Variants in IL21R observed in about 807,000 individuals in gnomAD.
IL21R encodes the protein interleukin 21 receptor.
IL21R carries 14 observed loss-of-function variants against 41.3 expected under a neutral mutation model. That is an observed-to-expected ratio of 0.34 (90% confidence interval 0.22 to 0.53). The LOEUF is 0.53. Ranked by LOEUF, IL21R falls within the 20% of genes least tolerant of loss-of-function variation. The probability of loss-of-function intolerance (pLI) is 0.94; values close to 1 mark genes in which losing one functional copy is unlikely to be tolerated. For missense variants in IL21R, 588 were observed against 681.6 expected, an observed-to-expected ratio of 0.86 and a Z score of 1.53; for synonymous variants, 286 against 287.6, an observed-to-expected ratio of 0.99 and a Z score of 0.05.
intron 1 of IL21R, among the ~76,000 whole-genome samples, chr16:27,425,848 G>T (rs1445269444): frequency 6.6e-6 from 1 of 152,172 alleles, no homozygotes; most frequent in Admixed American, 6.5e-5. Flanking sequence ...GACCCAGTGT[G>T]CCCGGCCTCC....
intron 1 of IL21R, among the ~76,000 whole-genome samples, chr16:27,413,020 G>C (rs985526081): frequency 1.3e-5 from 2 of 152,132 alleles, no homozygotes; most frequent in Non-Finnish European, 2.9e-5. Flanking sequence ...AATGGCAAGT[G>C]TGGGCATCCA....
At chr16:27,422,830 G>C (rs989688415) in intron 1 of IL21R, among the ~76,000 whole-genome samples, 1 of 152,186 alleles carries the variant, frequency 6.6e-6, no homozygotes, top group African/African-American at 2.4e-5. Context: ...TGTATAAAAA[G>C]TATAGAGGCT....
intron 8 of IL21R, among the ~76,000 whole-genome samples, chr16:27,447,457 T>C (rs1475427009): frequency 6.6e-6 from 1 of 152,056 alleles, no homozygotes; most frequent in Non-Finnish European, 1.5e-5. Context: ...GAAGATGAGC[T>C]CAAAACAGGG....
intron 1 of IL21R, chr16:27,403,149 G>T (rs762208516): frequency 8.8e-7 from 1 of 1,136,368 alleles, no homozygotes. Flanking sequence ...TAGCAGGTCG[G>T]GCAGTCAAGC....
chr16:27,417,475 T>C (rs539370629), intron 1 of IL21R, among the ~76,000 whole-genome samples: 68 of 152,344 alleles, frequency 4.5e-4, no homozygotes, highest in African/African-American at 1.6e-3. Flanking sequence ...TCAATTCTTT[T>C]CACTATATAA....
At chr16:27,403,519 G>A (rs6498022) in intron 1 of IL21R, among the ~76,000 whole-genome samples, 2 of 152,230 alleles carry the variant, frequency 1.3e-5, no homozygotes, top group East Asian at 1.9e-4. Flanking sequence ...GTCAAAACCC[G>A]GCCACGCGCC....
intron 1 of IL21R, among the ~76,000 whole-genome samples, chr16:27,425,000 T>A (rs2087052166): frequency 6.6e-6 from 1 of 152,098 alleles, no homozygotes; most frequent in African/African-American, 2.4e-5. Flanking sequence ...AGATCTCAGG[T>A]GAACTCACTC....
At chr16:27,437,138 G>A (rs2087283870) in intron 3 of IL21R, among the ~76,000 whole-genome samples, 1 of 152,176 alleles carries the variant, frequency 6.6e-6, no homozygotes, top group African/African-American at 2.4e-5. Context: ...CCTTCCTGCA[G>A]GACAGCCATC....
chr16:27,432,167 C>T (rs954495843), intron 2 of IL21R, among the ~76,000 whole-genome samples: 8 of 152,336 alleles, frequency 5.3e-5, no homozygotes, highest in Non-Finnish European at 1.5e-5. Context: ...GAGACACAGA[C>T]GTCAAACCGT....
rs1200031668 is a variant in IL21R at position 27,450,270 on chromosome 16, A to T, written c.*987A>T. ...TTCTAACTTCTGCTACTAAGTTTTT[A>T]AAAATTCCCTTTATGCACCCAAGAG... On this transcript the variant is annotated 3_prime_UTR_variant, in exon 9 of 9. Transcript: ENST00000337929. 4.3e-6 allele frequency: 1 copy of T among 232,542 alleles called. No individual in the cohort carries two copies. The highest frequency in any genetic ancestry group is 2.2e-5 in the African/African-American group (1 of 45,392). The allele number at this position is 232,542 out of a possible 1,614,324, so 14.4% of individuals were successfully genotyped here.
In IL21R at chr16:27,430,874, AC is replaced by A. The variant is rs146807282; in HGVS notation, c.49+755del. Among the ~76,000 whole-genome samples, 1,372 of 152,332 alleles carry A rather than the reference AC, an allele frequency of 9.0e-3. 15 individuals carry two copies. The highest frequency in any genetic ancestry group is 0.031 in the African/African-American group (1,294 of 41,576). On this transcript the variant is annotated intron_variant, in intron 2 of 8. Transcript: ENST00000337929. Reference sequence around the variant, plus strand: ...AAAAATCGCTAGATTCTTAGCAGGCACTGGTGGTCCCTGGGCTGGGGACAGG... The same window carrying A: ...AAAAATCGCTAGATTCTTAGCAGGCATGGTGGTCCCTGGGCTGGGGACAGG...
At chr16:27,418,133 G>A (rs906404944) in intron 1 of IL21R, among the ~76,000 whole-genome samples, 3 of 151,462 alleles carry the variant, frequency 2.0e-5, no homozygotes, top group Non-Finnish European at 4.4e-5. Context: ...GCAGTGGCGT[G>A]ATCTCGGCTC....
At chr16:27,408,056 G>C (rs1236476644) in intron 1 of IL21R, among the ~76,000 whole-genome samples, 1 of 152,200 alleles carries the variant, frequency 6.6e-6, no homozygotes, top group East Asian at 1.9e-4. Context: ...AGCACCCACT[G>C]TAGGCACTGG....
At chr16:27,448,120 T>G (rs557129484) in intron 8 of IL21R, 1 of 167,916 alleles carries the variant, frequency 6.0e-6, no homozygotes, top group African/African-American at 2.4e-5. Context: ...GATGTCTCTT[T>G]GTCTTGTCTC....
In IL21R at chr16:27,448,757, G is replaced by A; in HGVS notation, c.1091G>A (p.Ser364Asn). Residue 364 changes from serine to asparagine, a missense_variant, in exon 9 of 9, where the codon AGT (serine) becomes AAT (asparagine). Transcript: ENST00000337929. ...TAQNSGGSAY[S>N]EERDRPYGLV... is the part of the protein sequence containing the mutation. The stretch of plus-strand genomic sequence containing the variant: ...CAGAACTCGGGGGGCTCAGCTTACA[G>A]TGAGGAGAGGGATCGGCCATACGGC... 1.9e-6 allele frequency: 3 copies of A among 1,613,612 alleles called. No homozygotes were observed. The highest frequency in any genetic ancestry group is 2.5e-6 in the Non-Finnish European group (3 of 1,180,030).
chr16:27,402,214 C>G lies in IL21R; in HGVS notation c.-421C>G, dbSNP rs921533776. On this transcript the variant is annotated 5_prime_UTR_variant, in exon 1 of 9. Transcript: ENST00000337929. ...CTGGGTGGCAGCCAGCGGCCTCAGA[C>G]AGACCCACTGGCGTCTCTCTGCTGA... is the stretch of plus-strand genomic sequence containing the variant. 2.6e-5 allele frequency: 4 copies of G among 152,372 alleles called. No individual in the cohort carries two copies. The East Asian group carries it at 7.7e-4, about 29-fold the overall frequency. The allele number at this position is 152,372 out of a possible 1,614,324, so 9.4% of individuals were successfully genotyped here. A position where few individuals can be genotyped will look rare whatever the true frequency, so the allele number is the denominator to read the frequency against.
At chr16:27,415,717 C>A (rs903110324) in intron 1 of IL21R, among the ~76,000 whole-genome samples, 1 of 152,178 alleles carries the variant, frequency 6.6e-6, no homozygotes, top group African/African-American at 2.4e-5. Flanking sequence ...TCCTGTTTGG[C>A]TCCTTCTGAC....
chr16:27,405,508 TG>T (rs1281835466), intron 1 of IL21R, among the ~76,000 whole-genome samples: 8 of 152,224 alleles, frequency 5.3e-5, no homozygotes, highest in Non-Finnish European at 1.0e-4. Flanking sequence ...CAGAGCAGGG[TG>T]GGGGTTTTTC....
At chr16:27,419,399 G>A (rs967653550) in intron 1 of IL21R, among the ~76,000 whole-genome samples, 2 of 152,132 alleles carry the variant, frequency 1.3e-5, no homozygotes, top group African/African-American at 4.8e-5. Context: ...AATCCATCCT[G>A]AAGGACCTGC....
Sources: allele counts gnomAD v4.1 joint callset (sites outside exome capture counted in the v4.1 genomes callset), GRCh38; gene constraint gnomAD v4.1.1; transcripts MANE v1.5; gene names NCBI Gene and HGNC (gene_info 2026-07-23, HGNC 2026-07-21).